Variants in AKR1B10 observed in about 807,000 individuals in gnomAD.
AKR1B10 encodes aldo-keto reductase family 1 member B10.
In AKR1B10, 39 loss-of-function variants were observed where a neutral mutation model predicts 38.9. That is an observed-to-expected ratio of 1.00 (90% CI 0.78 to 1.31). The LOEUF is 1.31. AKR1B10 is among the 50% of genes most tolerant of loss of function. AKR1B10 has a pLI of 0.00. For synonymous variants in AKR1B10, 148 were observed against 141.2 expected (o/e 1.05, Z -0.34); for missense variants, 361 against 382.6 (o/e 0.94, Z 0.47).
At chr7:134,535,608 T>TTTTTTTTTTTTTTG (rs1554396830) in intron 4 of AKR1B10, 1 of 879,538 alleles carries the variant, frequency 1.1e-6, no homozygotes, top group Admixed American at 8.8e-5. Context: ...TTTTTTTTTT[T>TTTTTTTTTTTTTTG]CTTTTGAGGC....
At chr7:134,530,517 T>C in intron 1 of AKR1B10, 126 bp from the exon 2 acceptor site, 1 of 994,520 alleles carries the variant, frequency 1.0e-6, no homozygotes, top group East Asian at 2.5e-5. Flanking sequence ...AGTGGTGTAA[T>C]TCCAGCTACT....
At chr7:134,534,940 C>T (rs1011169723) in intron 4 of AKR1B10, among the ~76,000 whole-genome samples, 33 of 152,226 alleles carry the variant, frequency 2.2e-4, no homozygotes, top group South Asian at 4.1e-4. Context: ...GGCTACAACT[C>T]AGAGAAAATC....
Position 134,538,245 on chromosome 7 carries a change from G to A in AKR1B10, c.793G>A (p.Val265Met), listed in dbSNP as rs200000745. 259 of 1,613,956 alleles carry A rather than the reference G, an allele frequency of 1.6e-4. No homozygotes were observed. Among genetic ancestry groups the A allele is most frequent in the Middle Eastern group, 1.3e-3 (8 of 6,082 alleles). The change falls in exon 8 of 10, where the codon GTG (valine) becomes ATG (methionine). Residue 265 changes from valine to methionine, a missense_variant. This residue lies in a region of AKR1B10 where 132 missense variants were observed against 134.6 expected (regional missense o/e 0.98). Coordinates refer to ENST00000359579, the MANE Select transcript of AKR1B10 (RefSeq NM_020299.5). ...QRNVIVIPKS[V>M]TPARIVENIQ... ...GAATGTGATTGTCATCCCCAAGTCT[G>A]TGACACCAGCACGCATTGTTGAGAA...
chr7:134,532,246 C>A (rs1480582708), intron 3 of AKR1B10, among the ~76,000 whole-genome samples: 1 of 152,090 alleles, frequency 6.6e-6, no homozygotes, highest in Non-Finnish European at 1.5e-5. Flanking sequence ...CCTGGGTTTT[C>A]TTGCAGTTAT....
intron 7 of AKR1B10, 187 bp from the exon 8 acceptor site, chr7:134,538,007 G>C: frequency 1.5e-6 from 1 of 662,764 alleles, no homozygotes; most frequent in Non-Finnish European, 2.6e-6. Flanking sequence ...TCACAGGGTT[G>C]TCTCTAAGGT....
Position 134,539,009 on chromosome 7 carries a change from C to T in AKR1B10, c.900C>T (p.Asn300=), listed in dbSNP as rs376662494. 37 of 1,613,916 alleles carry T rather than the reference C, an allele frequency of 2.3e-5. No individual in the cohort carries two copies. The highest frequency in any genetic ancestry group is 4.4e-5 in the South Asian group (4 of 91,072). ...TCAACAGAAACTGGAGGGCCTGTAA[C>T]GTGTTGCAGTAAGTGGCATGGAGTT... ...LSFNRNWRAC[N]VLQSSHLEDY... is the part of the protein sequence containing the mutation. Residue 300 remains asparagine, a synonymous_variant, in exon 9 of 10, where the codon AAC becomes AAT. Coordinates refer to ENST00000359579, the MANE Select transcript of AKR1B10 (RefSeq NM_020299.5).
chr7:134,529,078 A>C (rs1467618692), intron 1 of AKR1B10, among the ~76,000 whole-genome samples: 1 of 152,126 alleles, frequency 6.6e-6, no homozygotes, highest in Admixed American at 6.5e-5. Flanking sequence ...TACCCTAACT[A>C]GTGATGAGAA....
intron 2 of AKR1B10, 139 bp downstream of exon 2, chr7:134,530,949 A>G (rs1245624752): frequency 8.2e-7 from 1 of 1,216,094 alleles, no homozygotes; most frequent in Non-Finnish European, 1.1e-6. Flanking sequence ...CGTGAATACA[A>G]CACTATCCAT....
rs544075401 is a variant in AKR1B10, at chr7:134,527,707, G to C, written c.-205G>C. 1 of 450,650 alleles carries C rather than the reference G, an allele frequency of 2.2e-6. No homozygotes were observed. Among genetic ancestry groups the C allele is most frequent in the Non-Finnish European group, 4.0e-6 (1 of 250,210 alleles). 27.9% of individuals were successfully genotyped at this position (450,650 alleles called of 1,614,324 possible). Reference sequence around the variant, plus strand: ...CTAACAATATAAAAATTAGCTGGGAGTCACGGTGGGCGCCTGTAATCCCAG... The same window carrying C: ...CTAACAATATAAAAATTAGCTGGGACTCACGGTGGGCGCCTGTAATCCCAG... On this transcript the variant is annotated 5_prime_UTR_variant, in exon 1 of 10. Coordinates refer to ENST00000359579, the MANE Select transcript of AKR1B10 (RefSeq NM_020299.5).
At chr7:134,532,053 A>G (rs1360712767) in intron 3 of AKR1B10, 29 bp downstream of exon 3, 1 of 1,613,300 alleles carries the variant, frequency 6.2e-7, no homozygotes, top group African/African-American at 1.3e-5. Flanking sequence ...CTCAGCCTCT[A>G]GTTTCTGAGC....
chr7:134,539,109 A>G (rs1585758297), intron 9 of AKR1B10, 92 bp downstream of exon 9: 2 of 1,491,368 alleles, frequency 1.3e-6, no homozygotes, highest in East Asian at 4.6e-5. Context: ...TGCTGGGACT[A>G]CTTGTGTCTT....
At chr7:134,529,097 T>G (rs933163769) in intron 1 of AKR1B10, among the ~76,000 whole-genome samples, 2 of 152,198 alleles carry the variant, frequency 1.3e-5, no homozygotes, top group Non-Finnish European at 2.9e-5. Context: ...AAGCAGTCTT[T>G]GGAGTTCCTC....
chr7:134,539,359 A>G (rs898186701), intron 9 of AKR1B10, among the ~76,000 whole-genome samples: 1 of 152,168 alleles, frequency 6.6e-6, no homozygotes, highest in African/African-American at 2.4e-5. Context: ...ATCATACTGT[A>G]CAAAGTTGCT....
intron 1 of AKR1B10, among the ~76,000 whole-genome samples, chr7:134,529,996 G>A (rs1408274167): frequency 6.6e-6 from 1 of 152,038 alleles, no homozygotes; most frequent in Non-Finnish European, 1.5e-5. Context: ...ATTCATTGCA[G>A]CATCTCATCA....
At chr7:134,529,308 G>A (rs182649330) in intron 1 of AKR1B10, among the ~76,000 whole-genome samples, 89 of 152,268 alleles carry the variant, frequency 5.8e-4, no homozygotes, top group Non-Finnish European at 9.9e-4. Context: ...CATGCAGAGC[G>A]TCTCTTGCTT....
intron 8 of AKR1B10, 80 bp from the exon 9 acceptor site, chr7:134,538,855 C>T (rs1398711453): frequency 6.6e-7 from 1 of 1,525,446 alleles, no homozygotes; most frequent in South Asian, 1.1e-5. Flanking sequence ...TGAGCTCCCT[C>T]CCTGCTAGAA....
chr7:134,537,550 T>C (rs777620460), intron 6 of AKR1B10, 30 bp from the exon 7 acceptor site: 6 of 1,605,678 alleles, frequency 3.7e-6, no homozygotes, highest in Non-Finnish European at 3.4e-6. Context: ...GCCATGGTGA[T>C]TATTCACATC....
chr7:134,537,592 A>G lies in AKR1B10; in HGVS notation c.672A>G (p.Glu224=), dbSNP rs2257307. The G allele has an allele frequency of 2.2e-5, 36 of 1,613,804 alleles. No individual in the cohort carries two copies. The highest frequency in any genetic ancestry group is 1.2e-4 in the Admixed American group (7 of 60,008). Reference sequence around the variant, plus strand: ...TTTCTGCCCCTAGGGCCAAGCCAGAAGACCCTTCCCTGCTGGAGGATCCCA... The same window carrying G: ...TTTCTGCCCCTAGGGCCAAGCCAGAGGACCCTTCCCTGCTGGAGGATCCCA... ...GSPDRPWAKP[E]DPSLLEDPKI... The change falls in exon 7 of 10, where the codon GAA becomes GAG. Residue 224 remains glutamate (E), a synonymous_variant. Transcript: ENST00000359579.
At chr7:134,528,730 AAAGAGAG>A (rs1414865415) in intron 1 of AKR1B10, among the ~76,000 whole-genome samples, 48 of 120,520 alleles carry the variant, frequency 4.0e-4, no homozygotes, top group African/African-American at 2.3e-3. Context: ...AGAAAGCAAG[AAAGAGAG>A]AAAGAGAGAG....
Sources: allele counts gnomAD v4.1 joint callset (sites outside exome capture counted in the v4.1 genomes callset), GRCh38; gene constraint gnomAD v4.1.1; regional missense constraint gnomAD v4.1.1; transcripts MANE v1.5; gene names NCBI Gene and HGNC (gene_info 2026-07-23, HGNC 2026-07-21).